LRIG3: variants seen among roughly 807,000 people sequenced by gnomAD.
LRIG3 encodes the protein leucine rich repeats and immunoglobulin like domains 3, also known as leucine-rich repeats and immunoglobulin-like domains protein 3.
LRIG3 carries 76 observed loss-of-function variants against 114.5 expected under a neutral mutation model. The observed-to-expected ratio is 0.66, with a 90% CI of 0.55 to 0.80. The LOEUF is 0.80. Ranked by LOEUF, LRIG3 falls within the 30% of genes least tolerant of loss-of-function variation. The pLI is 0.00. For synonymous variants in LRIG3, 512 were observed against 519.8 expected, an observed-to-expected ratio of 0.98 and a Z score of 0.20; for missense variants, 1,239 against 1,382.8, an observed-to-expected ratio of 0.90 and a Z score of 1.65.
At chr12:58,917,696 AAAC>A (rs746169862) in intron 1 of LRIG3, among the ~76,000 whole-genome samples, 1 of 152,242 alleles carries the variant, frequency 6.6e-6, no homozygotes, top group Non-Finnish European at 1.5e-5. Flanking sequence ...TCAACAAATG[AAAC>A]AAAAGATAGA....
intron 4 of LRIG3, 84 bp downstream of exon 4, chr12:58,890,581 T>G: frequency 2.2e-6 from 3 of 1,336,140 alleles, no homozygotes; most frequent in Non-Finnish European, 3.0e-6. Context: ...AGTAGTAAAG[T>G]AGACAAAGTT....
chr12:58,878,749 GATACTT>G, intron 14 of LRIG3, 69 bp downstream of exon 14: 2 of 1,498,984 alleles, frequency 1.3e-6, no homozygotes, highest in Middle Eastern at 1.8e-4. Flanking sequence ...CACAACTTCT[GATACTT>G]AGGGACCTTG....
intron 2 of LRIG3, 50 bp downstream of exon 2, chr12:58,914,215 G>A: frequency 6.4e-7 from 1 of 1,555,604 alleles, no homozygotes. Flanking sequence ...AATAGTATAA[G>A]GGGTAACGTA....
intron 3 of LRIG3, among the ~76,000 whole-genome samples, chr12:58,909,016 A>G (rs796226306): frequency 2.6e-5 from 4 of 152,298 alleles, no homozygotes; most frequent in Admixed American, 1.3e-4. Context: ...AGATGACTCA[A>G]TGTCCCCAGA....
intron 6 of LRIG3, 102 bp from the exon 7 acceptor site, chr12:58,888,574 T>G (rs1211469748): frequency 6.9e-7 from 1 of 1,451,700 alleles, no homozygotes. Flanking sequence ...CTATTGTTAT[T>G]AGATGTTTAG....
At chr12:58,883,438 G>T in intron 11 of LRIG3, 82 bp downstream of exon 11, 1 of 959,690 alleles carries the variant, frequency 1.0e-6, no homozygotes, top group Non-Finnish European at 1.5e-6. Flanking sequence ...ACTTTTTATA[G>T]ATACATAATC....
rs1311587134 is a variant in LRIG3 at position 58,880,702 on chromosome 12, C to T, written c.1680G>A (p.Met560Ile). Residue 560 changes from methionine (M) to isoleucine (I), a missense_variant, in exon 13 of 19, where the codon ATG becomes ATA. Physicochemically the swap from Met to Ile is conservative, Grantham distance 10 (BLOSUM62 1). Coordinates refer to ENST00000320743, the MANE Select transcript of LRIG3 (RefSeq NM_153377.5). The stretch of plus-strand genomic sequence containing the variant: ...GCAGCCGAAGGATGGTGGTATACTC[C>T]ATCACCTCGCCACCTTGGGCCCGGA... ...AHLRAQGGEVMEYTTILRLRE... is the reference protein window; with the variant it reads ...AHLRAQGGEVIEYTTILRLRE... 18 of 1,614,098 alleles carry T rather than the reference C, an allele frequency of 1.1e-5. No homozygotes were observed. The highest frequency in any genetic ancestry group is 1.6e-4 in the Middle Eastern group (1 of 6,084).
chr12:58,907,905 T>C (rs948923377), intron 3 of LRIG3, among the ~76,000 whole-genome samples: 1 of 152,294 alleles, frequency 6.6e-6, no homozygotes, highest in East Asian at 1.9e-4. Flanking sequence ...AGTTGGACCC[T>C]GGAAGGAGAT....
chr12:58,888,218 G>T, intron 7 of LRIG3, 111 bp downstream of exon 7: 1 of 1,323,386 alleles, frequency 7.6e-7, no homozygotes. Flanking sequence ...GAAAAAAGCT[G>T]TCACCTTGGA....
chr12:58,881,179 T>C (rs974509565), intron 12 of LRIG3, among the ~76,000 whole-genome samples: 2 of 152,200 alleles, frequency 1.3e-5, no homozygotes, highest in Non-Finnish European at 2.9e-5. Context: ...ACCCACACTT[T>C]ATTCCTGATC....
At chr12:58,890,442 C>T (rs1356573271) in intron 4 of LRIG3, among the ~76,000 whole-genome samples, 1 of 152,086 alleles carries the variant, frequency 6.6e-6, no homozygotes, top group Non-Finnish European at 1.5e-5. Flanking sequence ...GCACTTTTCA[C>T]ACCATCTAGG....
intron 18 of LRIG3, 65 bp from the exon 19 acceptor site, chr12:58,872,881 T>C (rs1008792471): frequency 4.0e-5 from 62 of 1,550,844 alleles, no homozygotes; most frequent in Admixed American, 2.8e-4. Flanking sequence ...ATAAAACCCA[T>C]TGCAAATGAA....
chr12:58,876,330 G>A (rs1870915170), intron 16 of LRIG3, 115 bp downstream of exon 16: 1 of 1,115,148 alleles, frequency 9.0e-7, no homozygotes, highest in Non-Finnish European at 1.3e-6. Context: ...AGTGATCTTG[G>A]GCCAGGTCCT....
chr12:58,907,733 G>A (rs964398264), intron 3 of LRIG3, among the ~76,000 whole-genome samples: 4 of 152,176 alleles, frequency 2.6e-5, no homozygotes, highest in African/African-American at 9.7e-5. Flanking sequence ...AGTGTGAGAC[G>A]AGACGAAAAC....
chr12:58,878,905 T>C lies in LRIG3; in HGVS notation c.2002A>G (p.Ile668Val), dbSNP rs756357106. The change falls in exon 14 of 19, where the codon ATA becomes GTA. Residue 668 changes from isoleucine to valine, a missense_variant. Ile to Val is a conservative substitution (Grantham distance 29). Coordinates refer to ENST00000320743, the MANE Select transcript of LRIG3 (RefSeq NM_153377.5). The part of the protein sequence containing the change: ...DDVFFIVDVK[I>V]EDIGVYSCTA... ...CAGCTGTATACCCCAATGTCCTCTATCTTCACATCCACGATAAAGAACACG... is the reference window on the plus strand; with the variant it reads ...CAGCTGTATACCCCAATGTCCTCTACCTTCACATCCACGATAAAGAACACG... The C allele has an allele frequency of 2.5e-6, 4 of 1,614,216 alleles. No homozygotes were observed. The highest frequency in any genetic ancestry group is 1.6e-4 in the Middle Eastern group (1 of 6,062).
chr12:58,898,083 C>CTG (rs1446771990), intron 3 of LRIG3, among the ~76,000 whole-genome samples: 1 of 152,164 alleles, frequency 6.6e-6, no homozygotes, highest in Non-Finnish European at 1.5e-5. Context: ...GTTCAAAATG[C>CTG]ATATGAACAT....
At chr12:58,887,741 T>G (rs1295310797) in intron 8 of LRIG3, 48 bp downstream of exon 8, 1 of 1,595,188 alleles carries the variant, frequency 6.3e-7, no homozygotes, top group South Asian at 1.1e-5. Context: ...GTGGGCATAT[T>G]TAGGAACCAA....
rs760119408 is a variant in LRIG3 at position 58,888,445 on chromosome 12, C to T, written c.831G>A (p.Glu277=). 3.1e-6 allele frequency: 5 copies of T among 1,613,812 alleles called. No homozygotes were observed. The East Asian group carries it at 1.1e-4, about 36-fold the overall frequency. The change falls in exon 7 of 19, where the codon GAG becomes GAA. Residue 277 remains glutamate (E), a synonymous_variant. Coordinates refer to ENST00000320743, the MANE Select transcript of LRIG3 (RefSeq NM_153377.5). Reference sequence around the variant, plus strand: ...AGCCGTAAAGCCAGCCTTTGGTAATCTCTGTTAGGTTGTTATGGTCCAGCT... The same window carrying T: ...AGCCGTAAAGCCAGCCTTTGGTAATTTCTGTTAGGTTGTTATGGTCCAGCT... The part of the protein sequence containing the change: ...ILQLDHNNLT[E]ITKGWLYGLL...
intron 18 of LRIG3, among the ~76,000 whole-genome samples, chr12:58,873,392 A>C (rs1365700135): frequency 1.3e-5 from 2 of 152,136 alleles, no homozygotes; most frequent in African/African-American, 4.8e-5. Context: ...AATATTTGAA[A>C]ATTCTCCTTT....
Sources: allele counts gnomAD v4.1 joint callset (sites outside exome capture counted in the v4.1 genomes callset), GRCh38; gene constraint gnomAD v4.1.1; transcripts MANE v1.5; gene names NCBI Gene and HGNC (gene_info 2026-07-23, HGNC 2026-07-21).